Variants in SORCS3 observed in about 807,000 individuals in gnomAD.
The protein encoded by SORCS3 is VPS10 domain-containing receptor SorCS3.
SORCS3 carries 57 observed loss-of-function variants against 146.3 expected under a neutral mutation model. The observed-to-expected ratio is 0.39, with a 90% confidence interval of 0.31 to 0.49. SORCS3 has a LOEUF of 0.49. Among genes scored for constraint, SORCS3 ranks in the 20% least tolerant of loss-of-function variants. SORCS3 has a pLI of 0.92. For missense variants in SORCS3, 1,341 were observed against 1,575.5 expected, an observed-to-expected ratio of 0.85 and a Z score of 2.52; for synonymous variants, 653 against 618.5, an observed-to-expected ratio of 1.06 and a Z score of -0.83.
intron 16 of SORCS3, among the ~76,000 whole-genome samples, chr10:105,202,059 C>T (rs2119618708): frequency 6.6e-6 from 1 of 152,250 alleles, no homozygotes; most frequent in East Asian, 1.9e-4. Flanking sequence ...AGTCAAATCA[C>T]TTCTTTCCAT....
chr10:104,903,357 C>T (rs1418740654), intron 2 of SORCS3, among the ~76,000 whole-genome samples: 1 of 152,112 alleles, frequency 6.6e-6, no homozygotes, highest in Admixed American at 6.5e-5. Flanking sequence ...CCTCAAGAAG[C>T]TTATAGTTGT....
intron 9 of SORCS3, among the ~76,000 whole-genome samples, chr10:105,148,476 T>C (rs543532979): frequency 5.9e-5 from 9 of 152,250 alleles, no homozygotes; most frequent in African/African-American, 1.9e-4. Flanking sequence ...ATGTGGTACC[T>C]TTTATAGTGA....
chr10:104,799,837 G>A (rs2017604213), intron 1 of SORCS3, among the ~76,000 whole-genome samples: 2 of 152,028 alleles, frequency 1.3e-5, no homozygotes, highest in South Asian at 2.1e-4. Flanking sequence ...CACCACGCCT[G>A]CCTAATTTTT....
At chr10:105,072,649 C>T (rs2055564041) in intron 5 of SORCS3, among the ~76,000 whole-genome samples, 2 of 16,196 alleles carry the variant, frequency 1.2e-4, no homozygotes, top group Non-Finnish European at 2.8e-4. Context: ...TTCTTTCTTT[C>T]TCTCTCTCTC....
intron 4 of SORCS3, among the ~76,000 whole-genome samples, chr10:105,031,919 G>A (rs562580790): frequency 2.6e-5 from 4 of 152,304 alleles, no homozygotes; most frequent in Middle Eastern, 3.4e-3. Flanking sequence ...AGGGCCAGGT[G>A]CAGTGGCTCA....
At chr10:105,221,908 AAAG>A (rs886103117) in intron 19 of SORCS3, among the ~76,000 whole-genome samples, 1 of 152,100 alleles carries the variant, frequency 6.6e-6, no homozygotes, top group African/African-American at 2.4e-5. Flanking sequence ...TAAAGAAGAG[AAAG>A]AAGGAGGGAG....
chr10:105,176,368 A>T (rs1589673131), intron 13 of SORCS3, among the ~76,000 whole-genome samples: 1 of 151,074 alleles, frequency 6.6e-6, no homozygotes, highest in Admixed American at 6.6e-5. Flanking sequence ...ATAAAGCAAC[A>T]CCCCACCTCT....
intron 2 of SORCS3, among the ~76,000 whole-genome samples, chr10:104,884,315 T>C (rs2018660401): frequency 1.3e-5 from 2 of 152,204 alleles, no homozygotes; most frequent in African/African-American, 4.8e-5. Context: ...ACGTCGAGAC[T>C]GCTCATTGCT....
chr10:105,200,435 G>C (rs188101965), intron 15 of SORCS3, among the ~76,000 whole-genome samples: 166 of 152,254 alleles, frequency 1.1e-3, no homozygotes, highest in Non-Finnish European at 2.2e-3. Context: ...AGGCCTCCAA[G>C]AGTTGCTCAT....
intron 5 of SORCS3, among the ~76,000 whole-genome samples, chr10:105,071,169 C>G (rs1349625): frequency 0.059 from 9,044 of 152,234 alleles, 288 homozygotes; most frequent in Middle Eastern, 0.088. Context: ...CATCATTCCT[C>G]TCTGTGCCTC....
At chr10:105,063,359 G>C (rs1405365526) in intron 5 of SORCS3, among the ~76,000 whole-genome samples, 1 of 152,154 alleles carries the variant, frequency 6.6e-6, no homozygotes, top group Non-Finnish European at 1.5e-5. Context: ...TAAGGAAACT[G>C]AGCCCCAGGG....
intron 9 of SORCS3, among the ~76,000 whole-genome samples, chr10:105,154,417 T>G (rs2056191117): frequency 6.6e-6 from 1 of 152,210 alleles, no homozygotes; most frequent in Non-Finnish European, 1.5e-5. Context: ...GGACTCAGCA[T>G]TCCGCCAAGG....
At chr10:104,834,698 A>G (rs1197294379) in intron 1 of SORCS3, among the ~76,000 whole-genome samples, 3 of 136,894 alleles carry the variant, frequency 2.2e-5, no homozygotes, top group Non-Finnish European at 4.7e-5. Flanking sequence ...TTTGTTACCT[A>G]TTTTTTTTTT....
At chr10:104,751,966 T>TATAA (rs1554848919) in intron 1 of SORCS3, among the ~76,000 whole-genome samples, 35 of 109,558 alleles carry the variant, frequency 3.2e-4, no homozygotes, top group African/African-American at 1.4e-3. Context: ...TATATATATA[T>TATAA]ATAATAGTTT....
At chr10:105,016,169 T>C (rs2133684909) in intron 4 of SORCS3, among the ~76,000 whole-genome samples, 1 of 129,938 alleles carries the variant, frequency 7.7e-6, no homozygotes, top group East Asian at 2.0e-4. Flanking sequence ...TTTTTTTTTT[T>C]TGAGATGGAG....
chr10:104,972,152 A>T (rs1348349285), intron 3 of SORCS3, among the ~76,000 whole-genome samples: 3 of 152,186 alleles, frequency 2.0e-5, no homozygotes, highest in Non-Finnish European at 2.9e-5. Flanking sequence ...CAGCCTGGCC[A>T]ACGTGGCAAA....
At chr10:104,937,489 T>A (rs146432711) in intron 3 of SORCS3, among the ~76,000 whole-genome samples, 1 of 152,288 alleles carries the variant, frequency 6.6e-6, no homozygotes, top group Admixed American at 6.5e-5. Flanking sequence ...ATAACTAACA[T>A]AGAATAAGTG....
chr10:105,189,023 G>A (rs903690306), intron 14 of SORCS3, among the ~76,000 whole-genome samples: 1 of 152,240 alleles, frequency 6.6e-6, no homozygotes, highest in Non-Finnish European at 1.5e-5. Flanking sequence ...GGGAGAAGTT[G>A]TATGTAGCCA....
intron 1 of SORCS3, among the ~76,000 whole-genome samples, chr10:104,827,812 A>G (rs1008748121): frequency 6.6e-6 from 1 of 152,224 alleles, no homozygotes; most frequent in African/African-American, 2.4e-5. Flanking sequence ...TGCAAGGTAG[A>G]TCTTCTGAAA....
Sources: gnomAD v4.1 joint callset for allele counts (sites outside exome capture counted in the v4.1 genomes callset) on GRCh38, gnomAD v4.1.1 for gene constraint, MANE v1.5 for transcripts, NCBI Gene and HGNC (gene_info 2026-07-23, HGNC 2026-07-21) for gene names.